ALDH7A1: variants seen among roughly 807,000 people sequenced by gnomAD.
ALDH7A1 encodes aldehyde dehydrogenase 7 family member A1, also known as alpha-aminoadipic semialdehyde dehydrogenase.
A neutral mutation model predicts 79.9 loss-of-function variants in ALDH7A1; 63 were observed. The ratio of observed to expected loss-of-function variants is 0.79; its 90% CI spans 0.64 to 0.97. The LOEUF (loss-of-function observed/expected upper bound fraction) is 0.97, where lower values mean the gene tolerates loss of function less well. Ranked by LOEUF, ALDH7A1 falls within the 50% of genes least tolerant of loss-of-function variation. The pLI, the probability that ALDH7A1 is intolerant of heterozygous loss-of-function variation, is 0.00. For missense variants in ALDH7A1, 627 were observed against 665.2 expected (o/e 0.94, Z 0.63); for synonymous variants, 240 against 231.2 (o/e 1.04, Z -0.34).
chr5:126,542,328 C>G lies in ALDH7A1; in HGVS notation c.*2637G>C, dbSNP rs1384498765. 1 of 152,186 alleles carries G rather than the reference C, an allele frequency of 6.6e-6. No homozygotes were observed. Among genetic ancestry groups the G allele is most frequent in the Non-Finnish European group, 1.5e-5 (1 of 68,046 alleles). 9.4% of individuals were successfully genotyped at this position (152,186 alleles called of 1,614,324 possible). ...GAGAAGAGGAAGGACACAGAGCCCT[C>G]TTGGTCCCTTCAGCATTTTCAGGAG... On this transcript the variant is annotated 3_prime_UTR_variant, in exon 18 of 18. Transcript: ENST00000409134.
chr5:126,580,452 T>G (rs1202780686), intron 5 of ALDH7A1, among the ~76,000 whole-genome samples: 1 of 152,104 alleles, frequency 6.6e-6, no homozygotes, highest in Non-Finnish European at 1.5e-5. Context: ...GACATAAAAT[T>G]AATATTGGAT....
At chr5:126,569,523 G>A (rs1296517739) in intron 8 of ALDH7A1, 1 of 152,182 alleles carries the variant, frequency 6.6e-6, no homozygotes, top group East Asian at 1.9e-4. Context: ...AGGGCTGGAC[G>A]GCTTGGCTCA....
intron 9 of ALDH7A1, chr5:126,564,423 C>T: frequency 1.3e-6 from 1 of 743,090 alleles, no homozygotes; most frequent in Non-Finnish European, 1.8e-6. Context: ...GCTAGGATTA[C>T]AGACGTGAGC....
intron 10 of ALDH7A1, among the ~76,000 whole-genome samples, chr5:126,560,327 T>C (rs1027992061): frequency 2.9e-4 from 44 of 152,050 alleles, no homozygotes; most frequent in African/African-American, 1.1e-3. Flanking sequence ...AAAAAGTAGC[T>C]GGGCATGGTG....
chr5:126,567,788 T>C (rs1162621534), intron 9 of ALDH7A1: 3,580 of 101,240 alleles, frequency 0.035, 95 homozygotes, highest in African/African-American at 0.14. Flanking sequence ...TTTTTTTTTC[T>C]TTTTTTTTTT....
At chr5:126,555,026 C>G (rs1048979239) in intron 12 of ALDH7A1, 2 of 158,284 alleles carry the variant, frequency 1.3e-5, no homozygotes, top group African/African-American at 4.8e-5. Flanking sequence ...CCTGGCATGC[C>G]TGGAACACTG....
intron 14 of ALDH7A1, among the ~76,000 whole-genome samples, chr5:126,551,807 C>A (rs1435759562): frequency 2.6e-5 from 4 of 152,144 alleles, no homozygotes; most frequent in Non-Finnish European, 5.9e-5. Context: ...CAACACTGGT[C>A]CACTACCCAA....
At chr5:126,554,839 G>A in intron 12 of ALDH7A1, 1 of 287,886 alleles carries the variant, frequency 3.5e-6, no homozygotes, top group Non-Finnish European at 6.7e-6. Context: ...TAATTCAAGG[G>A]GGAAGAGAAT....
intron 6 of ALDH7A1, among the ~76,000 whole-genome samples, chr5:126,576,020 G>A (rs1037469831): frequency 6.6e-6 from 1 of 152,078 alleles, no homozygotes; most frequent in Non-Finnish European, 1.5e-5. Flanking sequence ...CCAGCACTCT[G>A]GGGGGCCGAG....
intron 8 of ALDH7A1, 92 bp downstream of exon 8, chr5:126,570,686 CTTAG>C (rs2112785207): frequency 8.3e-7 from 1 of 1,197,928 alleles, no homozygotes; most frequent in African/African-American, 1.5e-5. Flanking sequence ...TTCTCAACTC[CTTAG>C]TTATAAGTGA....
intron 13 of ALDH7A1, among the ~76,000 whole-genome samples, chr5:126,552,702 CAAAT>C (rs1372705212): frequency 6.6e-6 from 1 of 151,820 alleles, no homozygotes; most frequent in East Asian, 1.9e-4. Context: ...CGGCCACAAA[CAAAT>C]CTTTATATGT....
intron 3 of ALDH7A1, among the ~76,000 whole-genome samples, chr5:126,589,889 C>A (rs1296519757): frequency 6.7e-6 from 1 of 149,976 alleles, no homozygotes; most frequent in Non-Finnish European, 1.5e-5. Context: ...TGCCCACTGT[C>A]TGGGAAGTGA....
At chr5:126,590,805 G>A (rs557250447) in intron 3 of ALDH7A1, among the ~76,000 whole-genome samples, 186 of 151,686 alleles carry the variant, frequency 1.2e-3, no homozygotes, top group African/African-American at 4.4e-3. Flanking sequence ...GAGGATCCCA[G>A]GCCCAGAAGG....
chr5:126,579,722 C>T (rs1339150552), intron 5 of ALDH7A1, among the ~76,000 whole-genome samples: 2 of 152,216 alleles, frequency 1.3e-5, no homozygotes, highest in East Asian at 1.9e-4. Context: ...CTTTGAGTGG[C>T]CAAGGCAGGA....
intron 3 of ALDH7A1, among the ~76,000 whole-genome samples, chr5:126,591,281 G>A (rs1402661272): frequency 6.6e-6 from 1 of 152,008 alleles, no homozygotes; most frequent in Non-Finnish European, 1.5e-5. Context: ...TCTGCCCAAG[G>A]ATACTTTTGA....
intron 8 of ALDH7A1, 46 bp from the exon 9 acceptor site, chr5:126,568,402 G>T: frequency 6.7e-7 from 1 of 1,498,308 alleles, no homozygotes; most frequent in Non-Finnish European, 9.3e-7. Context: ...GAGAAACCCA[G>T]CAATTACAAC....
chr5:126,574,875 T>C (rs1013332409), intron 7 of ALDH7A1, among the ~76,000 whole-genome samples: 1 of 152,126 alleles, frequency 6.6e-6, no homozygotes, highest in African/African-American at 2.4e-5. Context: ...ATCCTCCAAA[T>C]TCCAGAATGA....
chr5:126,566,236 G>C (rs1484141303), intron 9 of ALDH7A1, among the ~76,000 whole-genome samples: 1 of 152,054 alleles, frequency 6.6e-6, no homozygotes, highest in Non-Finnish European at 1.5e-5. Context: ...CATTTATTTA[G>C]GTCATCTTTA....
At chr5:126,583,043 A>T in intron 4 of ALDH7A1, 69 bp from the exon 5 acceptor site, 3 of 1,573,080 alleles carry the variant, frequency 1.9e-6, no homozygotes, top group Non-Finnish European at 2.6e-6. Flanking sequence ...AATTAAAGAA[A>T]GGGGGAAGCA....
Sources: gnomAD v4.1 joint callset for allele counts (sites outside exome capture counted in the v4.1 genomes callset) on GRCh38, gnomAD v4.1.1 for gene constraint, MANE v1.5 for transcripts, NCBI Gene and HGNC (gene_info 2026-07-23, HGNC 2026-07-21) for gene names.